Variants in SGCZ observed in about 807,000 individuals in gnomAD.
SGCZ encodes the protein zeta-sarcoglycan.
Under a neutral mutation model 41.3 loss-of-function variants are expected in SGCZ, and 40 were observed. The observed-to-expected ratio is 0.97, with a 90% CI of 0.75 to 1.26. The LOEUF is 1.26. SGCZ is among the 50% of genes most tolerant of loss of function. The probability of loss-of-function intolerance (pLI) is 0.00; values close to 1 mark genes in which losing one functional copy is unlikely to be tolerated. For missense variants in SGCZ, 552 were observed against 369.8 expected (o/e 1.49, Z -4.04); for synonymous variants, 206 against 137.5 (o/e 1.50, Z -3.49).
chr8:14,928,996 C>T (rs898555958), intron 1 of SGCZ, among the ~76,000 whole-genome samples: 1 of 151,818 alleles, frequency 6.6e-6, no homozygotes, highest in Non-Finnish European at 1.5e-5. Flanking sequence ...TATTTACTTA[C>T]TTATTTATTT....
intron 1 of SGCZ, among the ~76,000 whole-genome samples, chr8:15,150,131 C>T (rs992180389): frequency 2.0e-5 from 3 of 152,050 alleles, no homozygotes; most frequent in African/African-American, 7.2e-5. Flanking sequence ...ATTTTCATTT[C>T]CTTCTTTACA....
At chr8:14,098,656 T>TGAA (rs1056072912) in intron 7 of SGCZ, among the ~76,000 whole-genome samples, 25 of 152,240 alleles carry the variant, frequency 1.6e-4, no homozygotes, top group Admixed American at 4.6e-4. Flanking sequence ...GAGTTCACCT[T>TGAA]GAAGAAATAT....
chr8:14,370,726 C>T (rs1010015979), intron 2 of SGCZ, among the ~76,000 whole-genome samples: 1 of 151,734 alleles, frequency 6.6e-6, no homozygotes, highest in East Asian at 1.9e-4. Flanking sequence ...TTTTTTCTGT[C>T]TAATGAGTAA....
chr8:15,041,396 T>C (rs1414483691), intron 1 of SGCZ, among the ~76,000 whole-genome samples: 1 of 152,006 alleles, frequency 6.6e-6, no homozygotes, highest in Non-Finnish European at 1.5e-5. Context: ...CATAGTCCTT[T>C]TGATACCATA....
chr8:14,589,289 T>G (rs1327339091), intron 1 of SGCZ, among the ~76,000 whole-genome samples: 1 of 149,576 alleles, frequency 6.7e-6, no homozygotes, highest in Non-Finnish European at 1.5e-5. Flanking sequence ...AGTGTTGCAG[T>G]GAGCTGAGAT....
intron 1 of SGCZ, among the ~76,000 whole-genome samples, chr8:14,924,340 T>C (rs1207603316): frequency 6.6e-6 from 1 of 152,192 alleles, no homozygotes; most frequent in Non-Finnish European, 1.5e-5. Flanking sequence ...AGACCTGCTG[T>C]AAATGAACCC....
In SGCZ at chr8:14,964,555, G is replaced by T. The variant is rs58961649; in HGVS notation, c.39+273030C>A. Among the ~76,000 whole-genome samples the T allele has an allele frequency of 6.1e-3, 934 of 152,300 alleles. 14 individuals carry two copies. Among genetic ancestry groups the T allele is most frequent in the African/African-American group, 0.021 (882 of 41,556 alleles). On this transcript the variant is annotated intron_variant, in intron 1 of 7. Coordinates refer to ENST00000382080, the MANE Select transcript of SGCZ (RefSeq NM_139167.4). ...GGATCACCACTTGCTGGAGAGGACA[G>T]AAAGCAGGATGGGGTAGAGAGAATA...
chr8:14,345,760 C>T (rs1802871813), intron 2 of SGCZ, among the ~76,000 whole-genome samples: 1 of 152,076 alleles, frequency 6.6e-6, no homozygotes, highest in South Asian at 2.1e-4. Flanking sequence ...TCATTGACTT[C>T]AATGGAAAGA....
intron 2 of SGCZ, among the ~76,000 whole-genome samples, chr8:14,338,885 G>C (rs1000067006): frequency 5.9e-5 from 9 of 152,088 alleles, no homozygotes; most frequent in Admixed American, 3.3e-4. Flanking sequence ...AAGGATGTCT[G>C]TCATTTAAGC....
intron 1 of SGCZ, among the ~76,000 whole-genome samples, chr8:15,178,687 T>C (rs922456525): frequency 2.0e-5 from 3 of 152,156 alleles, no homozygotes; most frequent in Admixed American, 1.3e-4. Flanking sequence ...ATTGGAGCTA[T>C]AATCAAAGAC....
intron 2 of SGCZ, among the ~76,000 whole-genome samples, chr8:14,445,525 C>T (rs977246098): frequency 6.6e-6 from 1 of 152,078 alleles, no homozygotes. Flanking sequence ...TTGGGGAACA[C>T]TACTTACCCC....
At chr8:15,027,427 T>C (rs1302076216) in intron 1 of SGCZ, among the ~76,000 whole-genome samples, 3 of 152,082 alleles carry the variant, frequency 2.0e-5, no homozygotes, top group Non-Finnish European at 2.9e-5. Context: ...TGTGAGAATA[T>C]ACCATATCCA....
At chr8:14,997,564 C>G (rs565722121) in intron 1 of SGCZ, among the ~76,000 whole-genome samples, 1 of 152,298 alleles carries the variant, frequency 6.6e-6, no homozygotes, top group Non-Finnish European at 1.5e-5. Flanking sequence ...AGTTAATTAG[C>G]TGTTATTAAT....
chr8:14,306,772 A>C (rs1379647416), intron 3 of SGCZ, among the ~76,000 whole-genome samples: 1 of 152,236 alleles, frequency 6.6e-6, no homozygotes, highest in East Asian at 1.9e-4. Flanking sequence ...TGATCAAATA[A>C]AAAATGTGGT....
At chr8:14,860,967 T>G (rs1803727352) in intron 1 of SGCZ, among the ~76,000 whole-genome samples, 1 of 152,200 alleles carries the variant, frequency 6.6e-6, no homozygotes, top group Admixed American at 6.6e-5. Context: ...GCAGATGAGC[T>G]TCATACAGTA....
At chr8:14,557,279 A>ATTT (rs141080567) in intron 1 of SGCZ, among the ~76,000 whole-genome samples, 24 of 147,694 alleles carry the variant, frequency 1.6e-4, no homozygotes, top group South Asian at 6.3e-4. Context: ...TTTGATGGGG[A>ATTT]TTTTTTTTTT....
chr8:14,948,989 G>A (rs1374464419), intron 1 of SGCZ, among the ~76,000 whole-genome samples: 1 of 151,526 alleles, frequency 6.6e-6, no homozygotes, highest in Admixed American at 6.6e-5. Flanking sequence ...CCTGAGTGAT[G>A]GTAAGTACAG....
chr8:14,325,775 T>C (rs867112139), intron 2 of SGCZ, among the ~76,000 whole-genome samples: 1,742 of 74,552 alleles, frequency 0.023, 57 homozygotes, highest in African/African-American at 0.084. Flanking sequence ...TATATATATA[T>C]ATATATATAT....
rs563898582 is a variant in SGCZ, at chr8:15,002,956, T to C, written c.39+234629A>G. Among the ~76,000 whole-genome samples, 248 of 152,098 alleles carry C rather than the reference T, an allele frequency of 1.6e-3. 4 individuals are homozygous for C. The highest frequency in any genetic ancestry group is 5.8e-3 in the African/African-American group (242 of 41,488). On this transcript the variant is annotated intron_variant, in intron 1 of 7. Coordinates refer to ENST00000382080, the MANE Select transcript of SGCZ (RefSeq NM_139167.4). ...ATTATAGTGAATACATCTCACAAGA[T>C]CTGATGGTTTTATAAAGGGGAGTTC...
Sources: allele counts gnomAD v4.1 joint callset (sites outside exome capture counted in the v4.1 genomes callset), GRCh38; gene constraint gnomAD v4.1.1; transcripts MANE v1.5; gene names NCBI Gene and HGNC (gene_info 2026-07-23, HGNC 2026-07-21).